SMURF2: variants seen among roughly 807,000 people sequenced by gnomAD.
SMURF2 encodes E3 ubiquitin-protein ligase SMURF2.
A neutral mutation model predicts 109.6 loss-of-function variants in SMURF2; 48 were observed. The observed-to-expected ratio is 0.44, with a 90% CI of 0.35 to 0.56. The LOEUF (loss-of-function observed/expected upper bound fraction) is 0.56. Among genes scored for constraint, SMURF2 ranks in the 20% least tolerant of loss-of-function variants. The pLI, the probability that SMURF2 is intolerant of heterozygous loss-of-function variation, is 0.01. For synonymous variants in SMURF2, 288 were observed against 317.1 expected (o/e 0.91, Z 0.97); for missense variants, 575 against 909.0 (o/e 0.63, Z 4.72).
At chr17:64,614,903 G>A (rs537525170) in intron 1 of SMURF2, among the ~76,000 whole-genome samples, 3 of 152,078 alleles carry the variant, frequency 2.0e-5, no homozygotes, top group Admixed American at 1.3e-4. Context: ...CTCAAGATAC[G>A]GTTTTAAACT....
intron 8 of SMURF2, among the ~76,000 whole-genome samples, chr17:64,578,865 A>C (rs142313989): frequency 1.4e-3 from 212 of 152,350 alleles, no homozygotes; most frequent in African/African-American, 4.7e-3. Context: ...CAATACTAAT[A>C]ACTAAAAAAT....
intron 5 of SMURF2, among the ~76,000 whole-genome samples, chr17:64,586,636 AGCTTCTCG>A (rs1176846976): frequency 5.9e-5 from 9 of 151,286 alleles, no homozygotes; most frequent in African/African-American, 2.2e-4. Context: ...CTGTAGTCCC[AGCTTCTCG>A]GGAGGCTGAG....
chr17:64,653,416 G>A (rs1208620004), intron 1 of SMURF2, among the ~76,000 whole-genome samples: 1 of 151,502 alleles, frequency 6.6e-6, no homozygotes, highest in African/African-American at 2.4e-5. Context: ...AGGAACTACT[G>A]AAACTCATAC....
intron 1 of SMURF2, among the ~76,000 whole-genome samples, chr17:64,633,871 T>C (rs1230641403): frequency 6.6e-6 from 1 of 152,032 alleles, no homozygotes; most frequent in Non-Finnish European, 1.5e-5. Flanking sequence ...ATAAAATTTA[T>C]ATAGGCTGAG....
Position 64,644,607 on chromosome 17 carries a change from A to G in SMURF2, c.52+17222T>C, listed in dbSNP as rs9910005. Among the ~76,000 whole-genome samples the G allele has an allele frequency of 0.014, 1,126 of 81,322 alleles. 13 individuals are homozygous for G. In the African/African-American group the frequency reaches 0.17, roughly 12 times the overall value. The allele number at this position is 81,322 out of a possible 152,430, so 53.4% of individuals were successfully genotyped here. On this transcript the variant is annotated intron_variant, in intron 1 of 18. Transcript: ENST00000262435. ...GCAAGACTCTGTCTCAAAAAAAAAA[A>G]GAAAAAAAAAAAAATGCTGAGTAGC...
chr17:64,575,140 T>C (rs1361785389), intron 9 of SMURF2, among the ~76,000 whole-genome samples: 1 of 151,236 alleles, frequency 6.6e-6, no homozygotes, highest in African/African-American at 2.4e-5. Context: ...TAAAATTTCC[T>C]CCCCACTACT....
chr17:64,551,807 T>G (rs1969049969), intron 15 of SMURF2, 103 bp from the exon 16 acceptor site: 1 of 1,414,316 alleles, frequency 7.1e-7, no homozygotes, highest in South Asian at 1.3e-5. Flanking sequence ...TACAAGCATC[T>G]AACATTAACG....
chr17:64,583,146 C>T (rs181725783), intron 7 of SMURF2, among the ~76,000 whole-genome samples: 28 of 152,244 alleles, frequency 1.8e-4, no homozygotes, highest in Non-Finnish European at 2.8e-4. Flanking sequence ...CATGCCTTGG[C>T]CTCCCAAAGT....
At chr17:64,657,913 C>T (rs1407177308) in intron 1 of SMURF2, among the ~76,000 whole-genome samples, 2 of 152,076 alleles carry the variant, frequency 1.3e-5, no homozygotes, top group Non-Finnish European at 2.9e-5. Flanking sequence ...AGGACCTTGG[C>T]ATGTTCTACT....
chr17:64,608,400 T>TA (rs1482739236), intron 1 of SMURF2, among the ~76,000 whole-genome samples: 1 of 152,178 alleles, frequency 6.6e-6, no homozygotes, highest in African/African-American at 2.4e-5. Context: ...GGCCATGTCT[T>TA]AGAGTTTTGT....
chr17:64,658,278 A>G (rs1970730888), intron 1 of SMURF2, among the ~76,000 whole-genome samples: 1 of 152,052 alleles, frequency 6.6e-6, no homozygotes. Flanking sequence ...AATCACTTGA[A>G]CCCGGGAGGT....
At position 64,562,974 on chromosome 17, in the gene SMURF2, T is replaced by C. The variant is rs782207252; in HGVS notation, c.1017-8A>G. 2 of 1,605,744 alleles carry C rather than the reference T, an allele frequency of 1.2e-6. No individual in the cohort carries two copies. Among genetic ancestry groups the C allele is most frequent in the Non-Finnish European group, 1.7e-6 (2 of 1,175,486 alleles). ...TTCAATTGGTTCTGCCGACTAGAAG[T>C]AAACATAGATGTTATTATTAAAGTA... is the stretch of plus-strand genomic sequence containing the variant. On this transcript the variant is annotated splice_polypyrimidine_tract_variant and splice_region_variant and intron_variant, in intron 10 of 18. Transcript: ENST00000262435.
chr17:64,553,700 G>GCAT (rs2144592410), intron 15 of SMURF2, among the ~76,000 whole-genome samples: 2 of 152,106 alleles, frequency 1.3e-5, no homozygotes, highest in Admixed American at 1.3e-4. Flanking sequence ...TTCACAAGTA[G>GCAT]CATTTAATTG....
intron 3 of SMURF2, 52 bp from the exon 4 acceptor site, chr17:64,593,625 G>C (rs1969778863): frequency 7.0e-7 from 1 of 1,427,880 alleles, no homozygotes; most frequent in African/African-American, 1.4e-5. Context: ...GGCAGTTGGC[G>C]TAAAATTTTT....
At chr17:64,620,776 C>G (rs1017032222) in intron 1 of SMURF2, among the ~76,000 whole-genome samples, 17 of 152,178 alleles carry the variant, frequency 1.1e-4, no homozygotes, top group Non-Finnish European at 2.2e-4. Flanking sequence ...ACCTCTTCTA[C>G]AGTTTATTAT....
intron 1 of SMURF2, among the ~76,000 whole-genome samples, chr17:64,610,975 T>A (rs1167494126): frequency 2.6e-5 from 4 of 152,116 alleles, no homozygotes; most frequent in Non-Finnish European, 5.9e-5. Context: ...TGCTGACTAC[T>A]CCCTCTTCTA....
chr17:64,584,208 C>T (rs1415120360), intron 6 of SMURF2, among the ~76,000 whole-genome samples: 3 of 150,346 alleles, frequency 2.0e-5, no homozygotes, highest in African/African-American at 7.3e-5. Flanking sequence ...ATCCCAGCTA[C>T]TCGGGAGGTT....
intron 1 of SMURF2, among the ~76,000 whole-genome samples, chr17:64,652,445 G>A (rs9903807): frequency 0.15 from 22,531 of 152,168 alleles, 2,674 homozygotes; most frequent in African/African-American, 0.32. Context: ...AGAAAACACA[G>A]GAGAGTCCAG....
chr17:64,572,754 C>G (rs868973535), intron 9 of SMURF2: 12 of 152,368 alleles, frequency 7.9e-5, no homozygotes, highest in African/African-American at 1.7e-4. Context: ...TGCCCTCCCC[C>G]CATACTGTGT....
Sources: allele counts gnomAD v4.1 joint callset (sites outside exome capture counted in the v4.1 genomes callset), GRCh38; gene constraint gnomAD v4.1.1; transcripts MANE v1.5; gene names NCBI Gene and HGNC (gene_info 2026-07-23, HGNC 2026-07-21).